The following MGAM variants were observed in gnomAD, a reference collection of about 807,000 sequenced individuals.
The protein encoded by MGAM is maltase-glucoamylase.
A neutral mutation model predicts 358.8 loss-of-function variants in MGAM; 253 were observed. The ratio of observed to expected loss-of-function variants is 0.71; its 90% confidence interval spans 0.64 to 0.78. The LOEUF (loss-of-function observed/expected upper bound fraction) is 0.78, where lower values mean the gene tolerates loss of function less well. MGAM is among the 30% of genes least tolerant of loss of function. MGAM has a pLI of 0.00. For missense variants in MGAM, 3,080 were observed against 3,432.6 expected (o/e 0.90, Z 2.57); for synonymous variants, 1,105 against 1,227.1 (o/e 0.90, Z 2.08).
chr7:142,061,307 A>G (rs1812177526), intron 34 of MGAM, among the ~76,000 whole-genome samples: 2 of 152,032 alleles, frequency 1.3e-5, no homozygotes, highest in South Asian at 4.2e-4. Context: ...TCCCCCACCC[A>G]TCCCGTCGTT....
In MGAM at chr7:142,074,104, C is replaced by T; in HGVS notation, c.5206C>T (p.Leu1736Phe). The change falls in exon 45 of 71, where the codon CTT becomes TTT. Residue 1736 changes from leucine (L) to phenylalanine (F), a missense_variant. By Grantham distance (22) the Leu-to-Phe change is conservative. Around this residue, in one of 5 missense-constraint regions of MGAM, gnomAD observed 932 missense variants for 1,198.2 expected, o/e 0.78. Coordinates refer to ENST00000475668, the MANE Select transcript of MGAM (RefSeq NM_001365693.1). ...THLSRKNPLG[L>F]IIALDENKEA... ...CCACAGTCGAAAGAACCCTCTTGGT[C>T]TTATTATTGCCCTAGATGAAAACAA... 1 of 1,543,558 alleles carries T rather than the reference C, an allele frequency of 6.5e-7. No individual in the cohort carries two copies. Among genetic ancestry groups the T allele is most frequent in the Non-Finnish European group, 8.9e-7 (1 of 1,124,780 alleles).
chr7:142,027,523 ATGTT>A, intron 9 of MGAM, 83 bp from the exon 10 acceptor site: 6 of 1,390,570 alleles, frequency 4.3e-6, no homozygotes, highest in South Asian at 2.5e-5. Context: ...GAAATGGACT[ATGTT>A]TGGTGCTCTG....
upstream of MGAM, among the ~76,000 whole-genome samples, chr7:141,993,482 G>C (rs1026089447): frequency 3.9e-5 from 6 of 152,116 alleles, no homozygotes; most frequent in Non-Finnish European, 7.3e-5. Flanking sequence ...CAATTTCTGT[G>C]CTTATTTTTC....
At chr7:142,064,295 C>T (rs1468157615) in intron 36 of MGAM, 89 bp from the exon 37 acceptor site, 4 of 1,534,594 alleles carry the variant, frequency 2.6e-6, no homozygotes, top group Admixed American at 2.0e-5. Context: ...TGAAGTTAGT[C>T]TTAAGATCCA....
chr7:142,083,211 G>T, intron 52 of MGAM, 90 bp from the exon 53 acceptor site: 1 of 998,856 alleles, frequency 1.0e-6, no homozygotes, highest in Non-Finnish European at 1.5e-6. Context: ...ACGATAGGGA[G>T]GGTGCAGGAA....
upstream of MGAM, among the ~76,000 whole-genome samples, chr7:141,994,047 C>T (rs549862640): frequency 1.7e-3 from 263 of 152,160 alleles, 2 homozygotes; most frequent in Non-Finnish European, 2.8e-3. Flanking sequence ...GGCTAATTTT[C>T]GTACTTTTAG....
In MGAM at chr7:142,020,221, G is replaced by A. The variant is rs75443203; in HGVS notation, c.449-753G>A. ...TGGCCTGATGGACTGTTGCAATGAGGTCTCAACTCTCACCTGGTTTACCAT... is the reference window on the plus strand; with the variant it reads ...TGGCCTGATGGACTGTTGCAATGAGATCTCAACTCTCACCTGGTTTACCAT... On this transcript the variant is annotated intron_variant, in intron 4 of 70. Transcript: ENST00000475668. 2.7e-3 allele frequency among the ~76,000 whole-genome samples: 413 copies of A among 152,276 alleles called. 3 individuals carry two copies. The highest frequency in any genetic ancestry group is 9.3e-3 in the African/African-American group (385 of 41,558).
chr7:142,022,589 G>A, intron 7 of MGAM, 150 bp downstream of exon 7: 1 of 773,676 alleles, frequency 1.3e-6, no homozygotes, highest in South Asian at 2.3e-5. Context: ...CCAGTTACGT[G>A]GTTCTGGGTG....
At chr7:141,994,701 A>AT (rs1804105575), upstream of MGAM, among the ~76,000 whole-genome samples, 1 of 152,148 alleles carries the variant, frequency 6.6e-6, no homozygotes, top group Non-Finnish European at 1.5e-5. Context: ...ATGGGGGCGG[A>AT]TCCCCCTATG....
intron 17 of MGAM, among the ~76,000 whole-genome samples, 175 bp downstream of exon 17, chr7:142,036,460 A>G (rs1554465869): frequency 1.3e-5 from 2 of 152,190 alleles, no homozygotes; most frequent in South Asian, 2.1e-4. Context: ...GAAATGCCCA[A>G]CGGCCTCAGC....
chr7:142,045,207 TAAC>T (rs1563156760), intron 21 of MGAM, among the ~76,000 whole-genome samples: 1 of 81,348 alleles, frequency 1.2e-5, no homozygotes, highest in Non-Finnish European at 2.2e-5. Flanking sequence ...ATATATTATA[TAAC>T]ATATATGTAT....
chr7:142,073,487 A>G lies in MGAM; in HGVS notation c.5187-598A>G, dbSNP rs1338597781. 2.7e-5 allele frequency among the ~76,000 whole-genome samples: 4 copies of G among 146,228 alleles called. No individual in the cohort carries two copies. The South Asian group carries it at 6.5e-4, about 24-fold the overall frequency. ...TTGCTCTCTATCCTCTTCTTCCTCT[A>G]TGTCCATCTACTCTACCATGTCTTT... On this transcript the variant is annotated intron_variant, in intron 44 of 70. Coordinates refer to ENST00000475668, the MANE Select transcript of MGAM (RefSeq NM_001365693.1).
intron 26 of MGAM, among the ~76,000 whole-genome samples, chr7:142,053,217 A>G (rs1811185189): frequency 6.6e-6 from 1 of 152,118 alleles, no homozygotes; most frequent in Non-Finnish European, 1.5e-5. Context: ...AAGAGTAGGT[A>G]CGGAGAGACA....
At chr7:142,101,468 T>A (rs1816437777) in intron 68 of MGAM, among the ~76,000 whole-genome samples, 1 of 151,516 alleles carries the variant, frequency 6.6e-6, no homozygotes, top group Non-Finnish European at 1.5e-5. Context: ...GACAAGTGCA[T>A]CTGAAGAATT....
chr7:142,065,216 A>G (rs1812603204), intron 37 of MGAM, 119 bp from the exon 38 acceptor site: 57 of 1,377,000 alleles, frequency 4.1e-5, no homozygotes, highest in Non-Finnish European at 5.4e-5. Flanking sequence ...TCAGAGTCCC[A>G]TGTTCCCTCC....
intron 41 of MGAM, 91 bp downstream of exon 41, chr7:142,066,812 A>T (rs1329050673): frequency 7.2e-7 from 1 of 1,397,950 alleles, no homozygotes; most frequent in Non-Finnish European, 9.9e-7. Context: ...TCCAAATTAA[A>T]GACATGATGG....
chr7:142,051,038 G>A (rs1285953162), intron 24 of MGAM, among the ~76,000 whole-genome samples, 174 bp downstream of exon 24: 2 of 151,990 alleles, frequency 1.3e-5, no homozygotes, highest in Non-Finnish European at 2.9e-5. Context: ...AATGAGTTGG[G>A]TATTTTTCTT....
At chr7:142,032,103 T>C (rs190177019) in intron 13 of MGAM, among the ~76,000 whole-genome samples, 70 of 151,672 alleles carry the variant, frequency 4.6e-4, no homozygotes, top group Non-Finnish European at 8.0e-4. Flanking sequence ...CCTTACATTG[T>C]TGCAAAGTAT....
chr7:142,017,516 G>T (rs959856170), intron 3 of MGAM, among the ~76,000 whole-genome samples: 3 of 152,082 alleles, frequency 2.0e-5, no homozygotes, highest in Admixed American at 1.3e-4. Context: ...TGCTCTTTTG[G>T]CCACTCTGAT....
Sources: allele counts gnomAD v4.1 joint callset (sites outside exome capture counted in the v4.1 genomes callset), GRCh38; gene constraint gnomAD v4.1.1; regional missense constraint gnomAD v4.1.1; transcripts MANE v1.5; gene names NCBI Gene and HGNC (gene_info 2026-07-23, HGNC 2026-07-21).